NXPE4: variants seen among roughly 807,000 people sequenced by gnomAD.
NXPE4 encodes NXPE family member 4.
NXPE4 carries 42 observed loss-of-function variants against 33.3 expected under a neutral mutation model. That is an observed-to-expected ratio of 1.26 (90% CI 0.98 to 1.63). NXPE4 has a LOEUF of 1.63. NXPE4 is among the 40% of genes most tolerant of loss of function. NXPE4 has a pLI of 0.00. For synonymous variants in NXPE4, 253 were observed against 234.9 expected (o/e 1.08, Z -0.71); for missense variants, 709 against 647.6 (o/e 1.09, Z -1.03).
At chr11:114,640,647 T>C in the NXPE4 span, among the ~76,000 whole-genome samples, 1 of 151,982 alleles carries the variant, frequency 6.6e-6, no homozygotes, top group African/African-American at 2.4e-5. Context: ...ATAATGGCCA[T>C]TCTGACTAGG....
At chr11:114,590,353 A>C (rs940715585) in intron 2 of NXPE4, among the ~76,000 whole-genome samples, 1 of 152,234 alleles carries the variant, frequency 6.6e-6, no homozygotes, top group African/African-American at 2.4e-5. Context: ...CCAGAGCATT[A>C]GGGGAAGAAA....
the NXPE4 span, among the ~76,000 whole-genome samples, chr11:114,661,727 T>C: frequency 6.6e-6 from 1 of 152,252 alleles, no homozygotes; most frequent in African/African-American, 2.4e-5. Flanking sequence ...CCAAGGCCAC[T>C]GGTGACTTGT....
chr11:114,634,122 C>T, the NXPE4 span, among the ~76,000 whole-genome samples: 1 of 151,518 alleles, frequency 6.6e-6, no homozygotes, highest in Non-Finnish European at 1.5e-5. Context: ...TCTCCAGCAC[C>T]TGTTGTTTCC....
At chr11:114,633,104 T>C in the NXPE4 span, among the ~76,000 whole-genome samples, 1 of 122,796 alleles carries the variant, frequency 8.1e-6, no homozygotes, top group African/African-American at 3.3e-5. Context: ...TTTATATATT[T>C]TACATTATAT....
the NXPE4 span, among the ~76,000 whole-genome samples, chr11:114,626,577 C>G: frequency 6.6e-6 from 1 of 152,160 alleles, no homozygotes; most frequent in East Asian, 1.9e-4. Context: ...GGGGAAAAAA[C>G]AGAGCAGAAA....
At chr11:114,628,468 C>T in the NXPE4 span, among the ~76,000 whole-genome samples, 18 of 152,004 alleles carry the variant, frequency 1.2e-4, no homozygotes, top group Non-Finnish European at 1.5e-4. Flanking sequence ...TTCTTTGAAA[C>T]CAATGAGAAC....
At chr11:114,632,668 A>ATATATATTTATATATATAAATT in the NXPE4 span, among the ~76,000 whole-genome samples, 1 of 59,248 alleles carries the variant, frequency 1.7e-5, no homozygotes, top group Non-Finnish European at 2.7e-5. Flanking sequence ...AATATATAGT[A>ATATATATTTATATATATAAATT]TATATATTTA....
chr11:114,622,139 C>T, the NXPE4 span, among the ~76,000 whole-genome samples: 1 of 152,028 alleles, frequency 6.6e-6, no homozygotes, highest in Non-Finnish European at 1.5e-5. Context: ...TAAATATTGC[C>T]TCATGGGTAG....
the NXPE4 span, among the ~76,000 whole-genome samples, chr11:114,622,736 C>A: frequency 2.0e-5 from 3 of 151,514 alleles, no homozygotes; most frequent in Admixed American, 2.0e-4. Flanking sequence ...TCGTGTGTAA[C>A]CACTGTTACC....
intron 2 of NXPE4, among the ~76,000 whole-genome samples, chr11:114,590,129 G>A (rs1224454382): frequency 6.6e-6 from 1 of 152,182 alleles, no homozygotes; most frequent in Non-Finnish European, 1.5e-5. Context: ...GACAGGCATT[G>A]TCAAAGGACC....
chr11:114,608,074 C>T, the NXPE4 span, among the ~76,000 whole-genome samples: 1 of 150,616 alleles, frequency 6.6e-6, no homozygotes, highest in African/African-American at 2.4e-5. Flanking sequence ...CCACTGTTAC[C>T]CTGTGTCTAA....
chr11:114,618,651 T>C, the NXPE4 span, among the ~76,000 whole-genome samples: 2 of 152,142 alleles, frequency 1.3e-5, no homozygotes, highest in South Asian at 2.1e-4. Flanking sequence ...CGGTTTATAA[T>C]AAGTGTTGCC....
the NXPE4 span, among the ~76,000 whole-genome samples, chr11:114,631,107 T>A: frequency 1.5e-4 from 23 of 151,936 alleles, no homozygotes; most frequent in Admixed American, 1.2e-3. Context: ...ATTGTGGAAG[T>A]CAGTGTGGCG....
At chr11:114,599,322 A>G (rs530491862), upstream of NXPE4, among the ~76,000 whole-genome samples, 7 of 152,294 alleles carry the variant, frequency 4.6e-5, no homozygotes, top group African/African-American at 1.4e-4. Context: ...CATTGTCCAT[A>G]TCACTACCAG....
chr11:114,612,198 C>A, the NXPE4 span, among the ~76,000 whole-genome samples: 3 of 151,860 alleles, frequency 2.0e-5, no homozygotes, highest in African/African-American at 7.3e-5. Flanking sequence ...ACCACTGTTA[C>A]ACGGTGGAGA....
At chr11:114,651,527 G>C in the NXPE4 span, among the ~76,000 whole-genome samples, 771 of 152,332 alleles carry the variant, frequency 5.1e-3, 7 homozygotes, top group Middle Eastern at 0.017. Flanking sequence ...GCATGGAAGA[G>C]AATCCGAAAA....
chr11:114,634,392 A>G, the NXPE4 span, among the ~76,000 whole-genome samples: 1 of 151,688 alleles, frequency 6.6e-6, no homozygotes, highest in Non-Finnish European at 1.5e-5. Context: ...GGTTGTGAAG[A>G]TTTTCTCCCA....
In NXPE4 at chr11:114,581,754, A is replaced by G. The variant is rs1467266833; in HGVS notation, c.863T>C (p.Phe288Ser). 1 of 1,611,928 alleles carries G rather than the reference A, an allele frequency of 6.2e-7. No homozygotes were observed. Among genetic ancestry groups the G allele is most frequent in the Non-Finnish European group, 8.5e-7 (1 of 1,178,988 alleles). Reference sequence around the variant, plus strand: ...GCATTTGGAGACACTAATTGTATTGAATTTTTCCATAATCTCTACACCCAC... The same window carrying G: ...GCATTTGGAGACACTAATTGTATTGGATTTTTCCATAATCTCTACACCCAC... ...SNVGVEIMEKFNTISVSKCNK... is the reference protein window; with the variant it reads ...SNVGVEIMEKSNTISVSKCNK... The change falls in exon 4 of 6, where the codon TTC becomes TCC. Residue 288 changes from phenylalanine to serine, a missense_variant. Coordinates refer to ENST00000375478, the MANE Select transcript of NXPE4 (RefSeq NM_001077639.2).
At chr11:114,627,669 A>G in the NXPE4 span, among the ~76,000 whole-genome samples, 36 of 152,012 alleles carry the variant, frequency 2.4e-4, no homozygotes, top group Middle Eastern at 3.4e-3. Context: ...ACACATAACA[A>G]TATTAACTTT....
Sources: allele counts gnomAD v4.1 joint callset (sites outside exome capture counted in the v4.1 genomes callset), GRCh38; gene constraint gnomAD v4.1.1; transcripts MANE v1.5; gene names NCBI Gene and HGNC (gene_info 2026-07-23, HGNC 2026-07-21).